The following EIF4G3 variants were observed in gnomAD, a reference collection of about 807,000 sequenced individuals.
EIF4G3 encodes eIF-4-gamma 3.
EIF4G3 carries 34 observed loss-of-function variants against 186.4 expected under a neutral mutation model. That is an observed-to-expected ratio of 0.18 (90% CI 0.14 to 0.24). The LOEUF is 0.24. Among genes scored for constraint, EIF4G3 ranks in the 10% least tolerant of loss-of-function variants. The pLI, the probability that EIF4G3 is intolerant of heterozygous loss-of-function variation, is 1.00. For missense variants in EIF4G3, 1,536 were observed against 1,948.5 expected (o/e 0.79, Z 3.99); for synonymous variants, 673 against 679.5 (o/e 0.99, Z 0.15).
chr1:20,962,334 C>T (rs1052470556), intron 12 of EIF4G3, among the ~76,000 whole-genome samples: 22 of 151,958 alleles, frequency 1.4e-4, no homozygotes, highest in African/African-American at 2.7e-4. Flanking sequence ...TATATTCTTA[C>T]AATAATGTAA....
chr1:20,944,199 G>A (rs538070021), intron 13 of EIF4G3, among the ~76,000 whole-genome samples: 3 of 152,036 alleles, frequency 2.0e-5, no homozygotes, highest in African/African-American at 7.2e-5. Context: ...TATGACCACT[G>A]ACTGAAACCT....
At chr1:21,014,841 G>T (rs977862438) in intron 4 of EIF4G3, among the ~76,000 whole-genome samples, 36 of 151,794 alleles carry the variant, frequency 2.4e-4, no homozygotes, top group Non-Finnish European at 4.7e-4. Flanking sequence ...TGCCATGTTG[G>T]CCAGGCTGGT....
rs1481198934 is a variant in EIF4G3 at position 20,829,133 on chromosome 1, C to T, written c.4187+14G>A. Reference sequence around the variant, plus strand: ...TCTACCTGATATATATCAAGAGAAACAAGTATAACTTACATGGTAAGTTCT... The same window carrying T: ...TCTACCTGATATATATCAAGAGAAATAAGTATAACTTACATGGTAAGTTCT... On this transcript the variant is annotated intron_variant, in intron 31 of 36. Coordinates refer to ENST00000602326, the MANE Select transcript of EIF4G3 (RefSeq NM_001391906.1). 6.2e-7 allele frequency: 1 copy of T among 1,612,472 alleles called. No homozygotes were observed. The highest frequency in any genetic ancestry group is 1.1e-5 in the South Asian group (1 of 90,712).
intron 2 of EIF4G3, among the ~76,000 whole-genome samples, chr1:21,107,561 G>A (rs1303553115): frequency 6.6e-6 from 1 of 152,076 alleles, no homozygotes; most frequent in East Asian, 1.9e-4. Flanking sequence ...CCAGAGCAGG[G>A]GTCTCCACAA....
chr1:20,938,759 T>G (rs539265412), intron 14 of EIF4G3, among the ~76,000 whole-genome samples: 2 of 152,280 alleles, frequency 1.3e-5, no homozygotes, highest in African/African-American at 4.8e-5. Flanking sequence ...ACAAAACCAT[T>G]AAAAAATATT....
chr1:20,889,782 G>A (rs142729596), intron 18 of EIF4G3, among the ~76,000 whole-genome samples: 243 of 151,978 alleles, frequency 1.6e-3, no homozygotes, highest in African/African-American at 5.5e-3. Context: ...GAACCACCAC[G>A]CCCGGCCCAT....
intron 4 of EIF4G3, among the ~76,000 whole-genome samples, chr1:21,025,587 A>G (rs529873171): frequency 6.6e-6 from 1 of 152,340 alleles, no homozygotes; most frequent in East Asian, 1.9e-4. Context: ...CAGAACCCAA[A>G]ATGATTGGGT....
chr1:20,926,662 G>GT (rs1339087708), intron 14 of EIF4G3, among the ~76,000 whole-genome samples: 1 of 140,450 alleles, frequency 7.1e-6, no homozygotes, highest in East Asian at 2.0e-4. Flanking sequence ...GCAAGACCCT[G>GT]TCTCAGAAAA....
chr1:20,872,121 G>T (rs758838060), intron 20 of EIF4G3, among the ~76,000 whole-genome samples: 2 of 151,970 alleles, frequency 1.3e-5, no homozygotes, highest in Non-Finnish European at 2.9e-5. Flanking sequence ...CTGTGTGTGT[G>T]TGTGTATACA....
chr1:20,973,730 C>A (rs1022792649), intron 10 of EIF4G3, among the ~76,000 whole-genome samples: 1 of 152,176 alleles, frequency 6.6e-6, no homozygotes, highest in East Asian at 1.9e-4. Context: ...CTAGCTATAA[C>A]CTACTCCTAA....
intron 6 of EIF4G3, among the ~76,000 whole-genome samples, chr1:20,997,976 T>C (rs942450623): frequency 4.6e-5 from 7 of 151,344 alleles, no homozygotes; most frequent in Middle Eastern, 3.2e-3. Flanking sequence ...TAAGTGGTTA[T>C]ATTAAGACAA....
At chr1:21,074,855 G>A (rs909313476) in intron 3 of EIF4G3, among the ~76,000 whole-genome samples, 6 of 152,098 alleles carry the variant, frequency 3.9e-5, no homozygotes, top group African/African-American at 1.2e-4. Flanking sequence ...TGAGAGAATC[G>A]CTTGAGCCCA....
At chr1:20,829,340 T>TA (rs1310396475) in intron 30 of EIF4G3, 68 bp from the exon 31 acceptor site, 12 of 1,562,788 alleles carry the variant, frequency 7.7e-6, no homozygotes, top group Non-Finnish European at 1.0e-5. Context: ...AATAAAGAGA[T>TA]AAAAAATCAG....
chr1:21,063,858 T>G (rs2095080832), intron 3 of EIF4G3, among the ~76,000 whole-genome samples: 1 of 149,936 alleles, frequency 6.7e-6, no homozygotes, highest in Non-Finnish European at 1.5e-5. Context: ...TACAGGCGCA[T>G]GCCATCACAC....
intron 7 of EIF4G3, among the ~76,000 whole-genome samples, chr1:20,991,187 G>A (rs537284846): frequency 7.0e-4 from 106 of 152,110 alleles, no homozygotes; most frequent in Admixed American, 6.8e-3. Flanking sequence ...TATAATTTAG[G>A]TTTCACTAAG....
intron 33 of EIF4G3, among the ~76,000 whole-genome samples, chr1:20,822,387 C>CG (rs2062639453): frequency 1.2e-5 from 1 of 85,590 alleles, no homozygotes; most frequent in Non-Finnish European, 2.1e-5. Flanking sequence ...TTTTTTGAGA[C>CG]GGAGTCTCGC....
chr1:21,002,592 T>A, intron 5 of EIF4G3, 121 bp downstream of exon 5: 2 of 1,010,878 alleles, frequency 2.0e-6, no homozygotes, highest in Non-Finnish European at 2.9e-6. Flanking sequence ...GTCATAATAA[T>A]AAATCATCTT....
At chr1:21,095,076 A>T (rs941767986) in intron 2 of EIF4G3, among the ~76,000 whole-genome samples, 1 of 152,150 alleles carries the variant, frequency 6.6e-6, no homozygotes, top group Non-Finnish European at 1.5e-5. Context: ...CAAAAACCCT[A>T]TTGGAAAGCA....
intron 2 of EIF4G3, chr1:21,161,852 C>T (rs1005323307): frequency 2.0e-5 from 3 of 151,628 alleles, no homozygotes; most frequent in Non-Finnish European, 2.9e-5. Context: ...CCTGTAATCC[C>T]AGCTACTCAG....
Sources: gnomAD v4.1 joint callset for allele counts (sites outside exome capture counted in the v4.1 genomes callset) on GRCh38, gnomAD v4.1.1 for gene constraint, MANE v1.5 for transcripts, NCBI Gene and HGNC (gene_info 2026-07-23, HGNC 2026-07-21) for gene names.